CDC123: variants seen among roughly 807,000 people sequenced by gnomAD.
CDC123 encodes translation initiation factor eIF2 assembly protein.
In CDC123, 37 loss-of-function variants were observed where a neutral mutation model predicts 54.4. The observed-to-expected ratio is 0.68, with a 90% CI of 0.52 to 0.89. The LOEUF is 0.89. Ranked by LOEUF, CDC123 falls within the 40% of genes least tolerant of loss-of-function variation. The pLI, the probability that CDC123 is intolerant of heterozygous loss-of-function variation, is 0.00. For synonymous variants in CDC123, 144 were observed against 136.8 expected, an observed-to-expected ratio of 1.05 and a Z score of -0.37; for missense variants, 361 against 412.1, an observed-to-expected ratio of 0.88 and a Z score of 1.07.
intron 2 of CDC123, among the ~76,000 whole-genome samples, chr10:12,203,521 G>A (rs1317548): frequency 0.21 from 31,780 of 152,042 alleles, 3,552 homozygotes; most frequent in East Asian, 0.44. Flanking sequence ...TGCATCCAGG[G>A]TTCGGTGAGA....
At chr10:12,217,857 A>G (rs1028370261) in intron 6 of CDC123, among the ~76,000 whole-genome samples, 4 of 152,094 alleles carry the variant, frequency 2.6e-5, no homozygotes, top group African/African-American at 7.2e-5. Context: ...GGAGGCCAAG[A>G]CAGGTGGATC....
chr10:12,249,473 A>G, intron 11 of CDC123, 108 bp from the exon 12 acceptor site: 2 of 1,118,138 alleles, frequency 1.8e-6, no homozygotes, highest in South Asian at 1.5e-5. Flanking sequence ...CATCAAGTAC[A>G]GAGGAAAACA....
At chr10:12,208,808 T>C (rs1207549546) in intron 2 of CDC123, among the ~76,000 whole-genome samples, 1 of 152,218 alleles carries the variant, frequency 6.6e-6, no homozygotes, top group Non-Finnish European at 1.5e-5. Context: ...CCAACTCCTC[T>C]TCCCTAATGA....
intron 6 of CDC123, among the ~76,000 whole-genome samples, chr10:12,224,309 T>G (rs546149376): frequency 7.9e-4 from 120 of 152,038 alleles, no homozygotes; most frequent in Non-Finnish European, 1.4e-3. Flanking sequence ...TTTTCTTTCC[T>G]TTCTAAAAAT....
intron 10 of CDC123, among the ~76,000 whole-genome samples, chr10:12,240,470 A>G (rs940304967): frequency 7.2e-5 from 11 of 152,248 alleles, no homozygotes; most frequent in Non-Finnish European, 8.8e-5. Context: ...CCATATGATC[A>G]TGTCCCAGAA....
intron 2 of CDC123, among the ~76,000 whole-genome samples, chr10:12,204,992 CAAA>C (rs35683792): frequency 2.5e-4 from 16 of 64,466 alleles, no homozygotes; most frequent in South Asian, 1.3e-3. Flanking sequence ...GACTCCATAT[CAAA>C]AAAAAAAAAA....
Position 12,209,753 on chromosome 10 carries a change from C to T in CDC123, c.147-214C>T, listed in dbSNP as rs1835570957. 2.6e-5 allele frequency among the ~76,000 whole-genome samples: 4 copies of T among 151,982 alleles called. No homozygotes were observed. The South Asian group carries it at 8.3e-4, about 32-fold the overall frequency. ...CTAATTTCTGTGTATTTTGTAGAGACAGGGTTTTGCCATGTAGTCCAAGCT... is the reference window on the plus strand; with the variant it reads ...CTAATTTCTGTGTATTTTGTAGAGATAGGGTTTTGCCATGTAGTCCAAGCT... On this transcript the variant is annotated intron_variant, in intron 2 of 12. Coordinates refer to ENST00000281141, the MANE Select transcript of CDC123 (RefSeq NM_006023.3).
chr10:12,242,465 A>G (rs1836071507), intron 10 of CDC123, among the ~76,000 whole-genome samples: 1 of 152,154 alleles, frequency 6.6e-6, no homozygotes, highest in Admixed American at 6.5e-5. Flanking sequence ...TCTTGGAAGG[A>G]GTCGATTTTG....
intron 1 of CDC123, among the ~76,000 whole-genome samples, chr10:12,198,205 G>A (rs566236339): frequency 1.6e-4 from 25 of 152,304 alleles, no homozygotes; most frequent in East Asian, 9.6e-4. Context: ...TGAATAGAAA[G>A]CCAGCAAGAC....
At chr10:12,204,602 A>G (rs1316744783) in intron 2 of CDC123, among the ~76,000 whole-genome samples, 2 of 152,174 alleles carry the variant, frequency 1.3e-5, no homozygotes, top group Admixed American at 6.5e-5. Flanking sequence ...CATCCCCTCA[A>G]GCATTTATTC....
At chr10:12,198,953 G>A in intron 2 of CDC123, 177 bp downstream of exon 2, 2 of 497,812 alleles carry the variant, frequency 4.0e-6, no homozygotes, top group South Asian at 5.4e-5. Flanking sequence ...TCAACATTAA[G>A]TACTTTTCCC....
intron 1 of CDC123, among the ~76,000 whole-genome samples, chr10:12,197,968 C>A (rs1179009069): frequency 6.6e-6 from 1 of 152,056 alleles, no homozygotes; most frequent in Non-Finnish European, 1.5e-5. Flanking sequence ...GTAATCTTTT[C>A]CACTTTTTGA....
At position 12,250,433 on chromosome 10, in the gene CDC123, C is replaced by A; in HGVS notation, c.*96C>A. The A allele has an allele frequency of 1.1e-6, 1 of 933,950 alleles. No individual in the cohort carries two copies. Among genetic ancestry groups the A allele is most frequent in the East Asian group, 2.4e-5 (1 of 41,662 alleles). The allele number at this position is 933,950 out of a possible 1,614,324, so 57.9% of individuals were successfully genotyped here. ...TCCTGCCGACCCTGATGCGGGTGGG[C>A]CGAGCAGTGTGGACATCAGCCACTT... On this transcript the variant is annotated 3_prime_UTR_variant, in exon 13 of 13. Coordinates refer to ENST00000281141, the MANE Select transcript of CDC123 (RefSeq NM_006023.3).
At chr10:12,209,853 C>A in intron 2 of CDC123, 114 bp from the exon 3 acceptor site, 1 of 988,306 alleles carries the variant, frequency 1.0e-6, no homozygotes, top group Non-Finnish European at 1.6e-6. Flanking sequence ...TGTGAGCCAC[C>A]ACACCTAGCC....
intron 10 of CDC123, among the ~76,000 whole-genome samples, chr10:12,240,698 A>G (rs1836044957): frequency 6.6e-6 from 1 of 152,112 alleles, no homozygotes; most frequent in African/African-American, 2.4e-5. Context: ...TAACATAATG[A>G]GACCTCGTCT....
intron 5 of CDC123, among the ~76,000 whole-genome samples, chr10:12,216,397 T>C (rs1348499675): frequency 1.3e-5 from 2 of 152,260 alleles, no homozygotes; most frequent in African/African-American, 4.8e-5. Context: ...TCAAAAGTTA[T>C]CTCATGCCTT....
chr10:12,227,218 C>G (rs1271726213), intron 6 of CDC123, among the ~76,000 whole-genome samples: 7 of 147,152 alleles, frequency 4.8e-5, no homozygotes, highest in Admixed American at 3.4e-4. Context: ...ACAGTCCAGC[C>G]TCTGCTCGGC....
At chr10:12,250,070 T>TACTCAA in intron 12 of CDC123, 1 of 480,376 alleles carries the variant, frequency 2.1e-6, no homozygotes, top group African/African-American at 2.0e-5. Context: ...TTTATATTTT[T>TACTCAA]GTGTGGATTT....
At chr10:12,241,709 T>C (rs547080763) in intron 10 of CDC123, among the ~76,000 whole-genome samples, 3 of 152,338 alleles carry the variant, frequency 2.0e-5, no homozygotes, top group South Asian at 2.1e-4. Context: ...GTTCTTTTGT[T>C]TGTGAGAATC....
Sources: gnomAD v4.1 joint callset for allele counts (sites outside exome capture counted in the v4.1 genomes callset) on GRCh38, gnomAD v4.1.1 for gene constraint, MANE v1.5 for transcripts, NCBI Gene and HGNC (gene_info 2026-07-23, HGNC 2026-07-21) for gene names.